The following PNPLA3 variants were observed in gnomAD, a reference collection of about 807,000 sequenced individuals.
PNPLA3 encodes 1-acylglycerol-3-phosphate O-acyltransferase PNPLA3.
PNPLA3 carries 42 observed loss-of-function variants against 43.1 expected under a neutral mutation model. The observed-to-expected ratio is 0.97, with a 90% CI of 0.76 to 1.26. The LOEUF is 1.26. Among genes scored for constraint, PNPLA3 ranks in the 50% most tolerant of loss-of-function variants. PNPLA3 has a pLI of 0.00. For synonymous variants in PNPLA3, 272 were observed against 253.6 expected (o/e 1.07, Z -0.69); for missense variants, 647 against 621.4 (o/e 1.04, Z -0.44).
intron 7 of PNPLA3, 70 bp from the exon 8 acceptor site, chr22:43,944,621 C>T (rs1326536919): frequency 2.3e-6 from 3 of 1,298,804 alleles, no homozygotes; most frequent in Non-Finnish European, 3.3e-6. Context: ...CTTTTGTAAA[C>T]AAAGGGTAGT....
intron 2 of PNPLA3, 78 bp from the exon 3 acceptor site, chr22:43,928,743 CACT>C: frequency 7.5e-7 from 1 of 1,331,458 alleles, no homozygotes; most frequent in Admixed American, 1.8e-5. Flanking sequence ...TTGCCCTGCT[CACT>C]TGGAGAAAGC....
chr22:43,932,333 T>G (rs916217977), intron 3 of PNPLA3, among the ~76,000 whole-genome samples: 1 of 152,144 alleles, frequency 6.6e-6, no homozygotes, highest in Non-Finnish European at 1.5e-5. Flanking sequence ...GTCTCAAAAG[T>G]CCCTCCAGGT....
intron 6 of PNPLA3, 48 bp from the exon 7 acceptor site, chr22:43,939,945 G>T (rs754340054): frequency 5.0e-6 from 8 of 1,611,396 alleles, no homozygotes; most frequent in Non-Finnish European, 6.8e-6. Context: ...AAAGTGGTTT[G>T]GTTTTTCACA....
chr22:43,939,910 T>C, intron 6 of PNPLA3, 83 bp from the exon 7 acceptor site: 1 of 1,600,330 alleles, frequency 6.2e-7, no homozygotes, highest in South Asian at 1.1e-5. Context: ...GCGTATTTTA[T>C]GGAAATGCTA....
chr22:43,925,470 G>T (rs1331114809), intron 1 of PNPLA3, among the ~76,000 whole-genome samples: 1 of 152,134 alleles, frequency 6.6e-6, no homozygotes, highest in Non-Finnish European at 1.5e-5. Flanking sequence ...CCAGGCAGGA[G>T]ATTATGCCCC....
rs1221926169 is a variant in PNPLA3 at position 43,947,001 on chromosome 22, C to T, written c.*619C>T. The stretch of plus-strand genomic sequence containing the variant: ...AGTTTTGTATAAAAATGTAAGGAAG[C>T]GTTGTTACCTGTTGAATTTTGTATT... On this transcript the variant is annotated 3_prime_UTR_variant, in exon 9 of 9. Coordinates refer to ENST00000216180, the MANE Select transcript of PNPLA3 (RefSeq NM_025225.3). 1.5e-5 allele frequency: 4 copies of T among 267,196 alleles called. No individual in the cohort carries two copies. Among genetic ancestry groups the T allele is most frequent in the African/African-American group, 6.9e-5 (3 of 43,432 alleles). 16.6% of individuals were successfully genotyped at this position (267,196 alleles called of 1,614,324 possible).
rs999255718 is a variant in PNPLA3 at position 43,927,088 on chromosome 22, T to C, written c.341T>C (p.Ile114Thr). Reference sequence around the variant, plus strand: ...GTCCACCAGCTCATCTCCGGCAAAATAGGCATCTCTCTTACCAGAGTGTCT... The same window carrying C: ...GTCCACCAGCTCATCTCCGGCAAAACAGGCATCTCTCTTACCAGAGTGTCT... ...ANVHQLISGK[I>T]GISLTRVSDG... Residue 114 changes from isoleucine to threonine, a missense_variant, in exon 2 of 9, where the codon ATA becomes ACA. Physicochemically the swap from Ile to Thr is moderately conservative, Grantham distance 89. Transcript: ENST00000216180. The C allele has an allele frequency of 5.6e-6, 9 of 1,614,080 alleles. No individual in the cohort carries two copies. Among genetic ancestry groups the C allele is most frequent in the Admixed American group, 5.0e-5 (3 of 59,998 alleles).
chr22:43,939,687 G>A (rs1256256248), intron 6 of PNPLA3, among the ~76,000 whole-genome samples: 1 of 152,162 alleles, frequency 6.6e-6, no homozygotes, highest in Non-Finnish European at 1.5e-5. Flanking sequence ...ATGGTGGCAG[G>A]TGCCTGTAAT....
At chr22:43,931,215 C>T (rs150730447) in intron 3 of PNPLA3, among the ~76,000 whole-genome samples, 22 of 152,284 alleles carry the variant, frequency 1.4e-4, no homozygotes, top group South Asian at 4.1e-4. Context: ...TGTCATCACC[C>T]GTTGAGTGCG....
Position 43,944,755 on chromosome 22 carries a change from G to T in PNPLA3, c.1177G>T (p.Val393Leu). The change falls in exon 8 of 9, where the codon GTG (valine) becomes TTG (leucine). Residue 393 changes from valine (V) to leucine (L), a missense_variant. By Grantham distance (32) the Val-to-Leu change is conservative. Transcript: ENST00000216180. ...VLWLQWVTSQ[V>L]FTRVLMCLLP... ...GTGGTTGCAGTGGGTGACCTCACAGGTGTTCACTCGAGTGCTGATGTGTCT... is the reference window on the plus strand; with the variant it reads ...GTGGTTGCAGTGGGTGACCTCACAGTTGTTCACTCGAGTGCTGATGTGTCT... 1.2e-6 allele frequency: 2 copies of T among 1,614,216 alleles called. No homozygotes were observed. The highest frequency in any genetic ancestry group is 1.7e-6 in the Non-Finnish European group (2 of 1,180,032).
At chr22:43,939,900 G>T in intron 6 of PNPLA3, 93 bp from the exon 7 acceptor site, 3 of 1,580,702 alleles carry the variant, frequency 1.9e-6, no homozygotes, top group Non-Finnish European at 1.7e-6. Context: ...GCCAGGACGG[G>T]CGTATTTTAT....
intron 1 of PNPLA3, among the ~76,000 whole-genome samples, chr22:43,926,236 A>G (rs2049921198): frequency 1.3e-5 from 2 of 152,172 alleles, no homozygotes; most frequent in South Asian, 4.1e-4. Flanking sequence ...CTGTGAGTCA[A>G]GATCAGATTT....
At chr22:43,928,645 G>A (rs1410804612) in intron 2 of PNPLA3, among the ~76,000 whole-genome samples, 179 bp from the exon 3 acceptor site, 1 of 137,208 alleles carries the variant, frequency 7.3e-6, no homozygotes, top group Non-Finnish European at 1.7e-5. Context: ...TGAGACCCAT[G>A]GGCCTGAAGT....
rs556789077 is a variant in PNPLA3 at position 43,933,072 on chromosome 22, C to G, written c.681C>G (p.Val227=). The change falls in exon 4 of 9, where the codon GTC becomes GTG. Residue 227 remains valine (V), a synonymous_variant. Transcript: ENST00000216180. The part of the protein sequence containing the change: ...GNLYLLSRAF[V]PPDLKVLGEI... ...TCTACCTTCTCTCGAGAGCTTTTGT[C>G]CCCCCGGATCTCAAGGTGAGTTGGT... is the stretch of plus-strand genomic sequence containing the variant. 1 of 1,613,492 alleles carries G rather than the reference C, an allele frequency of 6.2e-7. No individual in the cohort carries two copies. Among genetic ancestry groups the G allele is most frequent in the Non-Finnish European group, 8.5e-7 (1 of 1,179,902 alleles).
At chr22:43,924,155 G>C (rs925656432) in intron 1 of PNPLA3, 57 bp downstream of exon 1, 12 of 1,400,422 alleles carry the variant, frequency 8.6e-6, no homozygotes, top group Admixed American at 3.3e-5. Flanking sequence ...CCCTAGGCCG[G>C]GGAGCGGGGG....
intron 3 of PNPLA3, among the ~76,000 whole-genome samples, chr22:43,929,614 T>G (rs1603416079): frequency 7.2e-6 from 1 of 139,326 alleles, no homozygotes; most frequent in Non-Finnish European, 1.6e-5. Context: ...TTTTTTTTTT[T>G]GAGATGGAGT....
At chr22:43,930,728 A>C (rs1483851065) in intron 3 of PNPLA3, among the ~76,000 whole-genome samples, 1 of 152,064 alleles carries the variant, frequency 6.6e-6, no homozygotes, top group East Asian at 1.9e-4. Flanking sequence ...TGCCAGGGGG[A>C]TGGAGAAGCC....
chr22:43,937,927 T>TGG (rs2050006383), intron 6 of PNPLA3, among the ~76,000 whole-genome samples: 1 of 152,112 alleles, frequency 6.6e-6, no homozygotes. Context: ...TCTTAGGAGG[T>TGG]GGGGCCTTTG....
rs768547361 is a variant in PNPLA3 at position 43,926,983 on chromosome 22, G to A, written c.236G>A (p.Arg79Gln). Residue 79 changes from arginine to glutamine, a missense_variant, in exon 2 of 9, where the codon CGG (arginine) becomes CAG (glutamine). Transcript: ENST00000216180. ...GATCTTGTGCGGAAGGCCAGGAGTCGGAACATTGGCATCTTCCATCCATCC... is the reference window on the plus strand; with the variant it reads ...GATCTTGTGCGGAAGGCCAGGAGTCAGAACATTGGCATCTTCCATCCATCC... ...LSDLVRKARS[R>Q]NIGIFHPSFN... The A allele has an allele frequency of 4.1e-5, 66 of 1,614,204 alleles. No individual in the cohort carries two copies. Among genetic ancestry groups the A allele is most frequent in the East Asian group, 8.9e-5 (4 of 44,878 alleles).
Sources: allele counts gnomAD v4.1 joint callset (sites outside exome capture counted in the v4.1 genomes callset), GRCh38; gene constraint gnomAD v4.1.1; transcripts MANE v1.5; gene names NCBI Gene and HGNC (gene_info 2026-07-23, HGNC 2026-07-21).